Variants in MARK2 observed in about 807,000 individuals in gnomAD.
MARK2 encodes serine/threonine-protein kinase MARK2.
MARK2 carries 16 observed loss-of-function variants against 89.8 expected under a neutral mutation model. That is an observed-to-expected ratio of 0.18 (90% confidence interval 0.12 to 0.27). MARK2 has a LOEUF of 0.27. MARK2 is among the 10% of genes least tolerant of loss of function. The probability of loss-of-function intolerance (pLI) is 1.00; values close to 1 mark genes in which losing one functional copy is unlikely to be tolerated. For synonymous variants in MARK2, 382 were observed against 399.5 expected (o/e 0.96, Z 0.52); for missense variants, 621 against 1,049.9 (o/e 0.59, Z 5.65).
intron 1 of MARK2, among the ~76,000 whole-genome samples, chr11:63,860,272 G>T (rs898062361): frequency 1.3e-5 from 2 of 152,050 alleles, no homozygotes; most frequent in South Asian, 4.1e-4. Context: ...AACTCATGTC[G>T]GCTGGGTGCA....
At position 63,898,868 on chromosome 11, in the gene MARK2, A is replaced by T. The variant is rs757681605; in HGVS notation, c.474+35A>T. The T allele has an allele frequency of 1.9e-6, 3 of 1,590,380 alleles. No homozygotes were observed. The South Asian group carries it at 3.3e-5, about 18-fold the overall frequency. ...ACTCCCTCCATAGGAGCTAGGCCTG[A>T]CCTCTGCTTTTGGGGTTTGACATGT... On this transcript the variant is annotated intron_variant, in intron 6 of 18. Transcript: ENST00000402010.
At chr11:63,907,351 G>C (rs1224215420) in intron 17 of MARK2, among the ~76,000 whole-genome samples, 4 of 152,202 alleles carry the variant, frequency 2.6e-5, no homozygotes, top group Non-Finnish European at 5.9e-5. Flanking sequence ...TGCCTTCCTC[G>C]CACAGCCGGG....
chr11:63,878,289 C>T (rs1030767430), intron 1 of MARK2, among the ~76,000 whole-genome samples: 2 of 151,460 alleles, frequency 1.3e-5, no homozygotes, highest in African/African-American at 4.9e-5. Flanking sequence ...GGGTTTATAT[C>T]TCCTCAGAAC....
chr11:63,868,208 A>G (rs1938240875), intron 1 of MARK2, among the ~76,000 whole-genome samples: 1 of 152,186 alleles, frequency 6.6e-6, no homozygotes, highest in Admixed American at 6.5e-5. Context: ...CCTGGGCAAC[A>G]TAGCGAAACC....
rs1212361525 is a variant in MARK2, at chr11:63,839,393, G to C, written c.-114G>C. 3.2e-6 allele frequency: 2 copies of C among 634,330 alleles called. No homozygotes were observed. Among genetic ancestry groups the C allele is most frequent in the African/African-American group, 3.9e-5 (2 of 51,078 alleles). 39.3% of individuals were successfully genotyped at this position (634,330 alleles called of 1,614,324 possible). A position where few individuals can be genotyped will look rare whatever the true frequency, so the allele number is the denominator to read the frequency against. On this transcript the variant is annotated 5_prime_UTR_variant, in exon 1 of 19. Coordinates refer to ENST00000402010, the MANE Select transcript of MARK2 (RefSeq NM_001039469.3). Reference sequence around the variant, plus strand: ...CCGGCCTCCCCGCACCCCCGGCCGGGGCCCATGCGGCGGGTGCTCCTGCTG... The same window carrying C: ...CCGGCCTCCCCGCACCCCCGGCCGGCGCCCATGCGGCGGGTGCTCCTGCTG...
chr11:63,901,692 CTG>C (rs56308004), intron 11 of MARK2, among the ~76,000 whole-genome samples: 7,266 of 133,946 alleles, frequency 0.054, 295 homozygotes, highest in African/African-American at 0.12. Context: ...GTGTGTGTAT[CTG>C]TGTGTGTGTG....
rs186473911 is a variant in MARK2, at chr11:63,877,630, G to A, written c.55-17529G>A. The stretch of plus-strand genomic sequence containing the variant: ...GGGAGGATCACCTGAGCCTGGGGAG[G>A]TCGAGGCTGTAGTGAGCCAAGATCG... On this transcript the variant is annotated intron_variant, in intron 1 of 18. Transcript: ENST00000402010. 6.0e-3 allele frequency among the ~76,000 whole-genome samples: 916 copies of A among 151,800 alleles called. 26 individuals carry two copies. Among genetic ancestry groups the A allele is most frequent in the Non-Finnish European group, 4.7e-3 (316 of 67,952 alleles).
chr11:63,894,203 T>G (rs112447481), intron 1 of MARK2, among the ~76,000 whole-genome samples: 2 of 152,352 alleles, frequency 1.3e-5, no homozygotes, highest in African/African-American at 4.8e-5. Context: ...TATCAGTGAA[T>G]AAAGAATATA....
intron 1 of MARK2, among the ~76,000 whole-genome samples, chr11:63,846,786 G>A (rs2135199059): frequency 6.6e-6 from 1 of 151,862 alleles, no homozygotes; most frequent in South Asian, 2.1e-4. Context: ...CTCCCGAGTA[G>A]CTGGGACTAC....
chr11:63,862,523 G>A (rs1005289762), intron 1 of MARK2, among the ~76,000 whole-genome samples: 4 of 152,182 alleles, frequency 2.6e-5, no homozygotes, highest in African/African-American at 7.2e-5. Context: ...TGTCCTTGGT[G>A]GCCATTGGTA....
chr11:63,909,005 G>A lies in MARK2; in HGVS notation c.2135G>A (p.Arg712Gln), dbSNP rs1050292319. 1 of 1,584,584 alleles carries A rather than the reference G, an allele frequency of 6.3e-7. No individual in the cohort carries two copies. Among genetic ancestry groups the A allele is most frequent in the Non-Finnish European group, 8.6e-7 (1 of 1,156,194 alleles). ...TSSMEPNEMM[R>Q]EIRKVLDANS... ...TCCATGGAGCCCAACGAGATGATGC[G>A]GGAGATCCGCAAGGTGCTGGACGCG... The change falls in exon 19 of 19, where the codon CGG becomes CAG. Residue 712 changes from arginine (R) to glutamine (Q), a missense_variant. Arg to Gln is a conservative substitution (Grantham distance 43). This residue lies in a region of MARK2 where 49 missense variants were observed against 46.7 expected (regional missense o/e 1.05). Transcript: ENST00000402010.
Position 63,904,061 on chromosome 11 carries a change from C to T in MARK2, c.1590C>T (p.His530=). The part of the protein sequence containing the change: ...AAVSAARPRQ[H]QKSMSASVHP... Reference sequence around the variant, plus strand: ...TCTCTGCGGCCCGGCCCCGCCAGCACCAGAAATCCATGTCGGCCTCCGTGC... The same window carrying T: ...TCTCTGCGGCCCGGCCCCGCCAGCATCAGAAATCCATGTCGGCCTCCGTGC... The change falls in exon 15 of 19, where the codon CAC becomes CAT. Residue 530 remains histidine, a synonymous_variant. Transcript: ENST00000402010. The surrounding 1 kb of genome is among the most constrained non-coding windows in gnomAD (Gnocchi z 6.3). 2 of 1,608,588 alleles carry T rather than the reference C, an allele frequency of 1.2e-6. No individual in the cohort carries two copies. The highest frequency in any genetic ancestry group is 1.7e-6 in the Non-Finnish European group (2 of 1,179,756).
chr11:63,866,858 C>T (rs914149274), intron 1 of MARK2, among the ~76,000 whole-genome samples: 1 of 152,160 alleles, frequency 6.6e-6, no homozygotes, highest in Non-Finnish European at 1.5e-5. Context: ...AATCTTTACC[C>T]CCCAGGCTCT....
intron 1 of MARK2, among the ~76,000 whole-genome samples, chr11:63,867,271 G>A (rs1289224314): frequency 5.3e-5 from 8 of 152,174 alleles, no homozygotes; most frequent in Non-Finnish European, 7.3e-5. Context: ...CAAGTGATCC[G>A]CCTGCCTCAG....
At chr11:63,908,660 C>T (rs1941544919) in intron 18 of MARK2, among the ~76,000 whole-genome samples, 1 of 152,152 alleles carries the variant, frequency 6.6e-6, no homozygotes, top group African/African-American at 2.4e-5. Flanking sequence ...GACCCCACCC[C>T]GCCTACCCCA....
chr11:63,877,065 C>A (rs1938801991), intron 1 of MARK2, among the ~76,000 whole-genome samples: 1 of 150,300 alleles, frequency 6.7e-6, no homozygotes. Context: ...TGCCTTGGGC[C>A]ATTCCCTTCT....
chr11:63,844,459 G>A (rs999045681), intron 1 of MARK2, among the ~76,000 whole-genome samples: 1 of 152,152 alleles, frequency 6.6e-6, no homozygotes, highest in African/African-American at 2.4e-5. Context: ...ACTTCAGCCT[G>A]GGTGACAGAG....
intron 1 of MARK2, chr11:63,868,708 C>T (rs1309907658): frequency 4.4e-6 from 2 of 449,902 alleles, no homozygotes; most frequent in African/African-American, 2.0e-5. Context: ...TGTCTGCCTG[C>T]GTTGTTGCTC....
intron 1 of MARK2, among the ~76,000 whole-genome samples, chr11:63,853,830 A>G (rs930728765): frequency 2.0e-5 from 3 of 151,726 alleles, no homozygotes; most frequent in Non-Finnish European, 4.4e-5. Context: ...AAAGACTATC[A>G]TTTTTTTTAT....
Sources: gnomAD v4.1 joint callset for allele counts (sites outside exome capture counted in the v4.1 genomes callset) on GRCh38, gnomAD v4.1.1 for gene constraint, gnomAD v4.1.1 regional missense constraint, Gnocchi (gnomAD v3.1) non-coding constraint, MANE v1.5 for transcripts, NCBI Gene and HGNC (gene_info 2026-07-23, HGNC 2026-07-21) for gene names.